The following TSPAN2 variants were observed in gnomAD, a reference collection of about 807,000 sequenced individuals.
TSPAN2 encodes the protein tetraspanin 2.
In TSPAN2, 24 loss-of-function variants were observed where a neutral mutation model predicts 33.3. The ratio of observed to expected loss-of-function variants is 0.72; its 90% CI spans 0.52 to 1.01. The LOEUF is 1.01. Ranked by LOEUF, TSPAN2 falls within the 50% of genes least tolerant of loss-of-function variation. TSPAN2 has a pLI of 0.00. For synonymous variants in TSPAN2, 114 were observed against 104.5 expected (o/e 1.09, Z -0.56); for missense variants, 278 against 281.3 (o/e 0.99, Z 0.08).
At chr1:115,052,411 G>A (rs1647210064) in intron 7 of TSPAN2, among the ~76,000 whole-genome samples, 1 of 152,076 alleles carries the variant, frequency 6.6e-6, no homozygotes, top group East Asian at 1.9e-4. Flanking sequence ...TCCAACCCCT[G>A]GACAATGGAA....
At chr1:115,056,991 T>G (rs1334189419) in intron 6 of TSPAN2, among the ~76,000 whole-genome samples, 1 of 152,174 alleles carries the variant, frequency 6.6e-6, no homozygotes, top group Non-Finnish European at 1.5e-5. Context: ...GGATCTATCC[T>G]CATCCTTCTT....
At chr1:115,076,789 G>C (rs893573280) in intron 1 of TSPAN2, among the ~76,000 whole-genome samples, 24 of 152,138 alleles carry the variant, frequency 1.6e-4, no homozygotes, top group African/African-American at 5.8e-4. Flanking sequence ...CTTCTTCTGG[G>C]GCTCAAGGAG....
Position 115,053,363 on chromosome 1 carries a change from T to G in TSPAN2, c.600+16A>C. 1 of 1,612,966 alleles carries G rather than the reference T, an allele frequency of 6.2e-7. No individual in the cohort carries two copies. The highest frequency in any genetic ancestry group is 2.2e-5 in the East Asian group (1 of 44,840). On this transcript the variant is annotated intron_variant, in intron 7 of 7. Coordinates refer to ENST00000369516, the MANE Select transcript of TSPAN2 (RefSeq NM_005725.6). ...TTTTTAGAGGGCAAAAAGGGTAAGT[T>G]CTAGAACTTTCTCACCGTCAGACCT...
At chr1:115,080,103 T>C (rs1359525390) in intron 1 of TSPAN2, among the ~76,000 whole-genome samples, 6 of 152,300 alleles carry the variant, frequency 3.9e-5, no homozygotes, top group South Asian at 2.1e-4. Context: ...GGAAGGAAAC[T>C]AACTTGGGAT....
At chr1:115,068,918 C>T (rs17033129) in intron 2 of TSPAN2, among the ~76,000 whole-genome samples, 48,534 of 152,066 alleles carry the variant, frequency 0.32, 8,185 homozygotes, top group South Asian at 0.51. Flanking sequence ...CAAGCACGGA[C>T]CTGGCTGTCA....
chr1:115,050,594 G>T (rs757943653), intron 7 of TSPAN2, 39 bp from the exon 8 acceptor site: 127 of 1,568,936 alleles, frequency 8.1e-5, no homozygotes, highest in Non-Finnish European at 3.1e-5. Context: ...CTTTGAAACG[G>T]GTACTGATAG....
At chr1:115,064,652 T>C (rs1255894440) in intron 2 of TSPAN2, among the ~76,000 whole-genome samples, 1 of 152,224 alleles carries the variant, frequency 6.6e-6, no homozygotes, top group Non-Finnish European at 1.5e-5. Flanking sequence ...GATTAGTAGA[T>C]AAGACAGAGA....
At chr1:115,066,117 ATGTACCACATTTTCTTCATCCATCCATC>A in intron 2 of TSPAN2, among the ~76,000 whole-genome samples, 1 of 152,306 alleles carries the variant, frequency 6.6e-6, no homozygotes, top group East Asian at 1.9e-4. Context: ...CATTGTGTAT[ATGTACCACATTTTCTTCATCCATCCATC>A]TGCTGATGGA....
intron 3 of TSPAN2, among the ~76,000 whole-genome samples, chr1:115,060,764 C>T (rs145910202): frequency 6.6e-5 from 10 of 152,206 alleles, no homozygotes; most frequent in South Asian, 2.1e-4. Flanking sequence ...TCTGTTATCA[C>T]GGACCTTGGA....
At chr1:115,089,131 C>T (rs1046549134) in intron 1 of TSPAN2, among the ~76,000 whole-genome samples, 6 of 152,166 alleles carry the variant, frequency 3.9e-5, no homozygotes, top group Non-Finnish European at 5.9e-5. Flanking sequence ...AAGAGCCACA[C>T]GGTGTCTCTC....
chr1:115,054,367 C>A lies in TSPAN2; in HGVS notation c.517-905G>T, dbSNP rs189656765. On this transcript the variant is annotated intron_variant, in intron 6 of 7. Coordinates refer to ENST00000369516, the MANE Select transcript of TSPAN2 (RefSeq NM_005725.6). ...TCTTGAGCATCTACCTTGCATTAGT[C>A]ACTGGAAGAGGGGTGGTAGATGCAG... 1.8e-4 allele frequency among the ~76,000 whole-genome samples: 27 copies of A among 152,266 alleles called. No homozygotes were observed. In the East Asian group the frequency reaches 4.8e-3, roughly 27 times the overall value.
At chr1:115,065,889 C>T (rs557397923) in intron 2 of TSPAN2, among the ~76,000 whole-genome samples, 4 of 152,156 alleles carry the variant, frequency 2.6e-5, no homozygotes, top group Admixed American at 1.3e-4. Context: ...AGCAGCTTCT[C>T]TTTATCTCCC....
chr1:115,078,394 C>T (rs1199088162), intron 1 of TSPAN2, among the ~76,000 whole-genome samples: 1 of 152,142 alleles, frequency 6.6e-6, no homozygotes, highest in South Asian at 2.1e-4. Context: ...AATGGAGGAC[C>T]TTCACAAAGA....
intron 2 of TSPAN2, among the ~76,000 whole-genome samples, chr1:115,068,356 G>A (rs1455301165): frequency 4.6e-5 from 7 of 152,200 alleles, no homozygotes; most frequent in Non-Finnish European, 7.4e-5. Flanking sequence ...CCAGAAGATG[G>A]GACAATTTCC....
intron 1 of TSPAN2, among the ~76,000 whole-genome samples, chr1:115,075,200 G>C (rs1000191946): frequency 3.9e-5 from 6 of 152,158 alleles, no homozygotes; most frequent in Non-Finnish European, 8.8e-5. Flanking sequence ...GATGCATAAT[G>C]GAAAATTAAA....
chr1:115,071,384 T>A (rs983011637), intron 2 of TSPAN2, among the ~76,000 whole-genome samples: 2 of 152,194 alleles, frequency 1.3e-5, no homozygotes, highest in Non-Finnish European at 2.9e-5. Flanking sequence ...GAGAATACGA[T>A]GCCTGGAGCC....
chr1:115,059,885 A>G (rs987062830), intron 4 of TSPAN2, among the ~76,000 whole-genome samples: 3 of 152,208 alleles, frequency 2.0e-5, no homozygotes, highest in Admixed American at 6.5e-5. Context: ...CACCAAACTT[A>G]AGTTTCCATT....
intron 2 of TSPAN2, among the ~76,000 whole-genome samples, chr1:115,067,926 G>A (rs1295001097): frequency 6.6e-6 from 1 of 152,206 alleles, no homozygotes; most frequent in Non-Finnish European, 1.5e-5. Flanking sequence ...GACTGTAACA[G>A]GAAGTCAGAT....
intron 1 of TSPAN2, among the ~76,000 whole-genome samples, chr1:115,079,335 T>C (rs1421303788): frequency 2.0e-5 from 3 of 152,206 alleles, no homozygotes; most frequent in Non-Finnish European, 4.4e-5. Flanking sequence ...AAGCTAATAC[T>C]TGCTCTTGGT....
Sources: gnomAD v4.1 joint callset for allele counts (sites outside exome capture counted in the v4.1 genomes callset) on GRCh38, gnomAD v4.1.1 for gene constraint, MANE v1.5 for transcripts, NCBI Gene and HGNC (gene_info 2026-07-23, HGNC 2026-07-21) for gene names.